LRRTM4: variants seen among roughly 807,000 people sequenced by gnomAD.
LRRTM4 encodes leucine-rich repeat transmembrane neuronal protein 4.
In LRRTM4, 25 loss-of-function variants were observed where a neutral mutation model predicts 47.6. The observed-to-expected ratio is 0.53, with a 90% confidence interval of 0.38 to 0.73. LRRTM4 has a LOEUF of 0.73. Ranked by LOEUF, LRRTM4 falls within the 30% of genes least tolerant of loss-of-function variation. The pLI, the probability that LRRTM4 is intolerant of heterozygous loss-of-function variation, is 0.00. For missense variants in LRRTM4, 638 were observed against 713.4 expected (o/e 0.89, Z 1.20); for synonymous variants, 311 against 269.5 (o/e 1.15, Z -1.51).
At position 77,521,837 on chromosome 2, in the gene LRRTM4, C is replaced by CAAAAAAAAA. The variant is rs5832290; in HGVS notation, c.-147-28_-147-20dup. On this transcript the variant is annotated intron_variant, in intron 1 of 3. Transcript: ENST00000409884. The stretch of plus-strand genomic sequence containing the variant: ...ATACAAACTTCCCCGAGAGGACAGG[C>CAAAAAAAAA]AAAAAAAAAAAAAAAAAATACATAT... 1 of 150,456 alleles carries CAAAAAAAAA rather than the reference C, an allele frequency of 6.6e-6. No homozygotes were observed. The highest frequency in any genetic ancestry group is 4.5e-5 in the African/African-American group (1 of 22,230). 9.3% of individuals were successfully genotyped at this position (150,456 alleles called of 1,614,324 possible).
chr2:77,253,086 G>A (rs1030856353), intron 3 of LRRTM4, among the ~76,000 whole-genome samples: 1 of 151,980 alleles, frequency 6.6e-6, no homozygotes, highest in African/African-American at 2.4e-5. Flanking sequence ...TACCAGGGAG[G>A]TTACACTCTC....
chr2:77,044,450 A>G (rs970366990), intron 3 of LRRTM4, among the ~76,000 whole-genome samples: 1 of 151,786 alleles, frequency 6.6e-6, no homozygotes, highest in Non-Finnish European at 1.5e-5. Flanking sequence ...GAGATATACT[A>G]AAAGAGGAAA....
At chr2:77,490,482 C>T (rs1678101885) in intron 3 of LRRTM4, among the ~76,000 whole-genome samples, 1 of 151,998 alleles carries the variant, frequency 6.6e-6, no homozygotes. Context: ...ACTTAAGTTC[C>T]TCCTACAGTG....
intron 3 of LRRTM4, among the ~76,000 whole-genome samples, chr2:76,872,403 C>A (rs1346433757): frequency 1.3e-5 from 2 of 152,026 alleles, no homozygotes; most frequent in Non-Finnish European, 2.9e-5. Flanking sequence ...TTGAGTGCTA[C>A]TCCCTACTTG....
At chr2:77,140,131 G>C (rs1041815560) in intron 3 of LRRTM4, among the ~76,000 whole-genome samples, 2 of 151,924 alleles carry the variant, frequency 1.3e-5, no homozygotes, top group African/African-American at 4.8e-5. Context: ...CTACTTTAAA[G>C]TTCATATGGA....
intron 3 of LRRTM4, among the ~76,000 whole-genome samples, chr2:76,864,690 G>C (rs1462910699): frequency 2.0e-5 from 3 of 150,784 alleles, no homozygotes; most frequent in African/African-American, 7.3e-5. Flanking sequence ...AGTGATCTTA[G>C]CATCAGATGG....
At chr2:76,776,148 A>G (rs878882730) in intron 3 of LRRTM4, among the ~76,000 whole-genome samples, 1 of 152,132 alleles carries the variant, frequency 6.6e-6, no homozygotes. Flanking sequence ...TTCTTAATCC[A>G]GTCTATCATT....
intron 3 of LRRTM4, among the ~76,000 whole-genome samples, chr2:76,928,902 TC>T (rs1674676155): frequency 6.6e-6 from 1 of 152,154 alleles, no homozygotes; most frequent in Admixed American, 6.6e-5. Flanking sequence ...TGTGATTGTT[TC>T]TATGTTACTC....
At chr2:76,922,374 G>C (rs892959532) in intron 3 of LRRTM4, among the ~76,000 whole-genome samples, 1 of 152,034 alleles carries the variant, frequency 6.6e-6, no homozygotes, top group East Asian at 1.9e-4. Context: ...AGGAGAGAGA[G>C]AGCGTGCACA....
intron 3 of LRRTM4, among the ~76,000 whole-genome samples, chr2:77,342,991 T>A (rs1323428723): frequency 1.3e-5 from 2 of 151,986 alleles, no homozygotes; most frequent in South Asian, 2.1e-4. Flanking sequence ...AAGACTGTGA[T>A]AAAGTGGTTC....
chr2:76,936,065 T>C (rs1324871150), intron 3 of LRRTM4, among the ~76,000 whole-genome samples: 1 of 152,168 alleles, frequency 6.6e-6, no homozygotes, highest in East Asian at 1.9e-4. Context: ...GAAATACCAT[T>C]TGACCCAGCA....
Position 77,318,757 on chromosome 2 carries a change from A to G in LRRTM4, c.1551+199561T>C, listed in dbSNP as rs1328138629. ...GGAGAATAACACTCATCTTTCCATCAACGGACTCTCATTTGAAGCTAAACC... is the reference window on the plus strand; with the variant it reads ...GGAGAATAACACTCATCTTTCCATCGACGGACTCTCATTTGAAGCTAAACC... On this transcript the variant is annotated intron_variant, in intron 3 of 3. Transcript: ENST00000409884. Among the ~76,000 whole-genome samples, 6 of 152,212 alleles carry G rather than the reference A, an allele frequency of 3.9e-5. No individual in the cohort carries two copies. The East Asian group carries it at 1.2e-3, about 29-fold the overall frequency.
chr2:76,920,175 T>G (rs1487349188), intron 3 of LRRTM4, among the ~76,000 whole-genome samples: 2 of 152,188 alleles, frequency 1.3e-5, no homozygotes, highest in African/African-American at 4.8e-5. Context: ...TTTATGACAC[T>G]GTAATCTTAA....
intron 3 of LRRTM4, among the ~76,000 whole-genome samples, chr2:77,331,129 C>T (rs1670958489): frequency 6.6e-6 from 1 of 152,114 alleles, no homozygotes; most frequent in African/African-American, 2.4e-5. Context: ...AGGAATCTAA[C>T]TCAGGAGACA....
intron 3 of LRRTM4, among the ~76,000 whole-genome samples, chr2:76,764,176 ATGAAT>A (rs1255697278): frequency 1.3e-5 from 2 of 152,246 alleles, no homozygotes; most frequent in East Asian, 1.9e-4. Context: ...GATGCAAGAC[ATGAAT>A]TGAAGAAGAA....
chr2:77,299,605 A>T (rs1392541765), intron 3 of LRRTM4, among the ~76,000 whole-genome samples: 1 of 152,066 alleles, frequency 6.6e-6, no homozygotes, highest in African/African-American at 2.4e-5. Flanking sequence ...ACGCTTGTTT[A>T]TTTTAGTCAT....
chr2:77,220,253 G>A (rs1474697030), intron 3 of LRRTM4, among the ~76,000 whole-genome samples: 1 of 152,002 alleles, frequency 6.6e-6, no homozygotes, highest in African/African-American at 2.4e-5. Context: ...ACAAAGATGG[G>A]GAAAAAACAG....
intron 3 of LRRTM4, among the ~76,000 whole-genome samples, chr2:77,502,116 T>C (rs1678590886): frequency 6.6e-6 from 1 of 151,488 alleles, no homozygotes; most frequent in Admixed American, 6.6e-5. Flanking sequence ...TAAATTAATA[T>C]TATTCACTAA....
chr2:77,184,999 A>G (rs1573050790), intron 3 of LRRTM4, among the ~76,000 whole-genome samples: 1 of 151,614 alleles, frequency 6.6e-6, no homozygotes, highest in East Asian at 1.9e-4. Flanking sequence ...TACATATTGT[A>G]TAGTATCATC....
Sources: gnomAD v4.1 joint callset for allele counts (sites outside exome capture counted in the v4.1 genomes callset) on GRCh38, gnomAD v4.1.1 for gene constraint, MANE v1.5 for transcripts, NCBI Gene and HGNC (gene_info 2026-07-23, HGNC 2026-07-21) for gene names.